RMP64: variants seen among roughly 807,000 people sequenced by gnomAD.
The protein encoded by RMP64 is nucleolus and neural progenitor protein.
the RMP64 span, chr3:113,013,348 C>T: frequency 0.01 from 16,197 of 1,613,834 alleles, 94 homozygotes; most frequent in Non-Finnish European, 0.011. Flanking sequence ...AACACCAACT[C>T]CACCACTGGC....
At chr3:113,012,644 A>G in the RMP64 span, 11 of 783,986 alleles carry the variant, frequency 1.4e-5, no homozygotes, top group East Asian at 4.9e-5. Flanking sequence ...CCATAACCCC[A>G]TAAGAAAATA....
At chr3:113,016,899 C>G in the RMP64 span, among the ~76,000 whole-genome samples, 2 of 152,206 alleles carry the variant, frequency 1.3e-5, no homozygotes, top group Non-Finnish European at 2.9e-5. Context: ...AGAGGCTCTA[C>G]TCTATGGTAT....
chr3:113,006,595 G>C, the RMP64 span, among the ~76,000 whole-genome samples: 88,282 of 152,060 alleles, frequency 0.58, 29,249 homozygotes, highest in Non-Finnish European at 0.75. Context: ...TAGGTGTTTT[G>C]CTTCCACACA....
At chr3:113,004,438 GAAC>G in the RMP64 span, 1 of 152,202 alleles carries the variant, frequency 6.6e-6, no homozygotes, top group Non-Finnish European at 1.5e-5. Flanking sequence ...GACAGGGAAA[GAAC>G]AAAGCCAAAT....
At chr3:113,006,032 TG>T in the RMP64 span, 2 of 1,512,330 alleles carry the variant, frequency 1.3e-6, no homozygotes, top group Admixed American at 3.9e-5. Flanking sequence ...AGGAAAAATC[TG>T]GGCTTAAGAT....
the RMP64 span, chr3:113,014,001 A>C: frequency 6.2e-7 from 1 of 1,613,768 alleles, no homozygotes; most frequent in Admixed American, 1.7e-5. Flanking sequence ...CTCCAAATTC[A>C]TGTTTTTCAA....
chr3:113,012,983 T>C, the RMP64 span: 2 of 615,900 alleles, frequency 3.2e-6, no homozygotes, highest in Non-Finnish European at 5.7e-6. Context: ...TTATAAACAC[T>C]CTGCTAGAGT....
the RMP64 span, chr3:113,005,630 G>C: frequency 8.1e-6 from 13 of 1,613,472 alleles, no homozygotes; most frequent in South Asian, 2.2e-5. Context: ...CACCGTCCAC[G>C]AATCAGTTTC....
chr3:113,015,859 T>TAAAAAAAAAAAAAAAAAAAA, the RMP64 span, among the ~76,000 whole-genome samples: 1 of 107,558 alleles, frequency 9.3e-6, no homozygotes, highest in Non-Finnish European at 2.0e-5. Flanking sequence ...GCCAAGAATT[T>TAAAAAAAAAAAAAAAAAAAA]AAAAAAAAAA....
chr3:113,009,684 C>G, the RMP64 span: 1 of 152,172 alleles, frequency 6.6e-6, no homozygotes. Flanking sequence ...GTTTCTTGGC[C>G]TTTCTATGCC....
the RMP64 span, among the ~76,000 whole-genome samples, chr3:113,007,911 A>C: frequency 6.6e-6 from 1 of 152,312 alleles, no homozygotes; most frequent in East Asian, 1.9e-4. Context: ...GACACTCTTA[A>C]TGGTTCCTGA....
the RMP64 span, chr3:113,005,506 C>CACTT: frequency 7.3e-7 from 1 of 1,378,574 alleles, no homozygotes; most frequent in South Asian, 1.2e-5. Flanking sequence ...CCTTGTTAAT[C>CACTT]ACTTAAAAGT....
the RMP64 span, chr3:113,002,922 G>GC: frequency 2.0e-5 from 3 of 152,566 alleles, no homozygotes; most frequent in African/African-American, 7.2e-5. Context: ...AGAGCAAGAG[G>GC]CAAGGTTCAG....
the RMP64 span, chr3:113,017,692 A>T: frequency 8.1e-7 from 1 of 1,233,798 alleles, no homozygotes; most frequent in Non-Finnish European, 1.1e-6. Flanking sequence ...ATCTTTCCTT[A>T]TTTGTTTTAA....
the RMP64 span, chr3:113,002,640 T>A: frequency 6.8e-6 from 1 of 147,096 alleles, no homozygotes; most frequent in Non-Finnish European, 1.5e-5. Flanking sequence ...ATAACTTGCT[T>A]AAGGCCAGGA....
At chr3:113,004,749 A>G in the RMP64 span, 1 of 152,212 alleles carries the variant, frequency 6.6e-6, no homozygotes, top group South Asian at 2.1e-4. Context: ...TTCTAGCCTC[A>G]TTCCTGGGTC....
chr3:113,011,584 C>CTTGCTTGG, the RMP64 span: 1 of 460,040 alleles, frequency 2.2e-6, no homozygotes. Flanking sequence ...CAGAAAAATC[C>CTTGCTTGG]AAGTATAAAA....
chr3:113,007,620 A>G, the RMP64 span, among the ~76,000 whole-genome samples: 2 of 152,238 alleles, frequency 1.3e-5, no homozygotes, highest in South Asian at 4.1e-4. Flanking sequence ...ACAAGCAAAG[A>G]TAAGCACCCT....
chr3:113,012,519 G>C, the RMP64 span: 1 of 384,396 alleles, frequency 2.6e-6, no homozygotes, highest in African/African-American at 2.1e-5. Context: ...TGATTGGGCT[G>C]ATCTTGTGGA....
Sources: gnomAD v4.1 joint callset for allele counts (sites outside exome capture counted in the v4.1 genomes callset) on GRCh38, gnomAD v4.1.1 for gene constraint, MANE v1.5 for transcripts, NCBI Gene and HGNC (gene_info 2026-07-23, HGNC 2026-07-21) for gene names.